SEC14L6: variants seen among roughly 807,000 people sequenced by gnomAD.
SEC14L6 encodes the protein SEC14-like protein 6.
In SEC14L6, 40 loss-of-function variants were observed where a neutral mutation model predicts 54.1. The ratio of observed to expected loss-of-function variants is 0.74; its 90% confidence interval spans 0.57 to 0.96. The LOEUF (loss-of-function observed/expected upper bound fraction) is 0.96, where lower values mean the gene tolerates loss of function less well. Ranked by LOEUF, SEC14L6 falls within the 40% of genes least tolerant of loss-of-function variation. The pLI, the probability that SEC14L6 is intolerant of heterozygous loss-of-function variation, is 0.00. For synonymous variants in SEC14L6, 171 were observed against 198.4 expected, an observed-to-expected ratio of 0.86 and a Z score of 1.16; for missense variants, 471 against 498.3, an observed-to-expected ratio of 0.95 and a Z score of 0.52.
Position 30,523,038 on chromosome 22 carries a change from T to C in SEC14L6, c.*1959A>G, listed in dbSNP as rs931670232. 1.3e-5 allele frequency: 2 copies of C among 152,204 alleles called. No individual in the cohort carries two copies. The highest frequency in any genetic ancestry group is 2.4e-5 in the African/African-American group (1 of 41,452). The allele number at this position is 152,204 out of a possible 1,614,324, so 9.4% of individuals were successfully genotyped here. On this transcript the variant is annotated 3_prime_UTR_variant, in exon 12 of 12. Coordinates refer to ENST00000402034, the MANE Select transcript of SEC14L6 (RefSeq NM_001193336.4). ...GCACGATTCCATTTATATGACACTC[T>C]GGAAAAAATCAAAAGTGTAGGGATG...
At chr22:30,529,256 C>G (rs1157091419) in intron 7 of SEC14L6, 33 bp downstream of exon 7, 8 of 1,548,068 alleles carry the variant, frequency 5.2e-6, no homozygotes, top group Non-Finnish European at 7.0e-6. Flanking sequence ...CCTGTCCCCC[C>G]AACTCATGCA....
Position 30,546,516 on chromosome 22 carries a change from G to A in SEC14L6, c.54+113C>T, listed in dbSNP as rs1485931365. The A allele has an allele frequency of 4.1e-6, 4 of 967,246 alleles. No homozygotes were observed. In the East Asian group the frequency reaches 1.1e-4, roughly 25 times the overall value. 59.9% of individuals were successfully genotyped at this position (967,246 alleles called of 1,614,324 possible). ...TGGCTACCAAGCCCCTCAGGGTTGG[G>A]AAGAGACCCAGAGCTGGAGAGTTCA... On this transcript the variant is annotated intron_variant, in intron 1 of 11. Transcript: ENST00000402034.
intron 1 of SEC14L6, among the ~76,000 whole-genome samples, chr22:30,542,026 G>A (rs1403770989): frequency 1.3e-5 from 2 of 152,168 alleles, no homozygotes; most frequent in Non-Finnish European, 2.9e-5. Context: ...CCTGTTCTTG[G>A]CACCGAAGGG....
Position 30,523,386 on chromosome 22 carries a change from G to T in SEC14L6, c.*1611C>A, listed in dbSNP as rs1478330548. On this transcript the variant is annotated 3_prime_UTR_variant, in exon 12 of 12. Transcript: ENST00000402034. ...TTTTTTTTTTTTAAGACAGGGTCTT[G>T]CTCTGTTTCCCAGGCTGGAGTGCAG... The T allele has an allele frequency of 6.6e-6, 1 of 152,188 alleles. No homozygotes were observed. Among genetic ancestry groups the T allele is most frequent in the East Asian group, 1.9e-4 (1 of 5,196 alleles). The allele number at this position is 152,188 out of a possible 1,614,324, so 9.4% of individuals were successfully genotyped here. A position where few individuals can be genotyped will look rare whatever the true frequency, so the allele number is the denominator to read the frequency against.
chr22:30,530,131 C>T lies in SEC14L6; in HGVS notation c.520-782G>A, dbSNP rs546801616. Among the ~76,000 whole-genome samples the T allele has an allele frequency of 4.6e-5, 7 of 152,094 alleles. No individual in the cohort carries two copies. In the East Asian group the frequency reaches 7.8e-4, roughly 17 times the overall value. On this transcript the variant is annotated intron_variant, in intron 6 of 11. Transcript: ENST00000402034. Reference sequence around the variant, plus strand: ...TTTTTAAAAAAACTGAGATATTGTCCGGGCGTGGTGGCTCACGCCTGTAAT... The same window carrying T: ...TTTTTAAAAAAACTGAGATATTGTCTGGGCGTGGTGGCTCACGCCTGTAAT...
intron 1 of SEC14L6, chr22:30,542,797 C>T (rs545427964): frequency 1.1e-5 from 17 of 1,594,472 alleles, no homozygotes; most frequent in African/African-American, 8.0e-5. Context: ...TGGACCAGGC[C>T]GGAAATTAAT....
At chr22:30,539,616 G>A (rs1040716785) in intron 1 of SEC14L6, among the ~76,000 whole-genome samples, 5 of 152,200 alleles carry the variant, frequency 3.3e-5, no homozygotes, top group African/African-American at 1.2e-4. Context: ...GAGTGGCAGA[G>A]CCAGTTGCCT....
At chr22:30,530,295 A>T (rs974809158) in intron 6 of SEC14L6, among the ~76,000 whole-genome samples, 1 of 152,144 alleles carries the variant, frequency 6.6e-6, no homozygotes, top group Non-Finnish European at 1.5e-5. Context: ...CTGTAATCCC[A>T]GCTACTTGGG....
At chr22:30,544,625 C>T (rs1465209028) in intron 1 of SEC14L6, among the ~76,000 whole-genome samples, 1 of 152,144 alleles carries the variant, frequency 6.6e-6, no homozygotes, top group Middle Eastern at 3.2e-3. Context: ...TCCTGGCCTC[C>T]CCCATCCCTA....
rs1261950955 is a variant in SEC14L6, at chr22:30,543,197, A to G, written c.54+3432T>C. 12 of 1,603,566 alleles carry G rather than the reference A, an allele frequency of 7.5e-6. No homozygotes were observed. In the East Asian group the frequency reaches 2.7e-4, roughly 36 times the overall value. On this transcript the variant is annotated intron_variant, in intron 1 of 11. Coordinates refer to ENST00000402034, the MANE Select transcript of SEC14L6 (RefSeq NM_001193336.4). ...AGAGAGAGCGTGTCCTACAGCATCC[A>G]CAGCACAGCCAATGTGGTGCTGACC...
Position 30,529,276 on chromosome 22 carries a change from C to T in SEC14L6, c.580+13G>A. The T allele has an allele frequency of 6.5e-7, 1 of 1,550,176 alleles. No individual in the cohort carries two copies. The highest frequency in any genetic ancestry group is 8.7e-7 in the Non-Finnish European group (1 of 1,146,606). Reference sequence around the variant, plus strand: ...CCCCCCAACTCATGCATATCCTGGGCTGCTTTACTCACCTCTCACAACAAT... The same window carrying T: ...CCCCCCAACTCATGCATATCCTGGGTTGCTTTACTCACCTCTCACAACAAT... On this transcript the variant is annotated intron_variant, in intron 7 of 11. Coordinates refer to ENST00000402034, the MANE Select transcript of SEC14L6 (RefSeq NM_001193336.4).
At chr22:30,529,410 C>T (rs1936894705) in intron 6 of SEC14L6, 61 bp from the exon 7 acceptor site, 14 of 1,357,362 alleles carry the variant, frequency 1.0e-5, no homozygotes, top group South Asian at 3.7e-5. Context: ...CATCCCCTCT[C>T]GCCCCACCCT....
intron 2 of SEC14L6, among the ~76,000 whole-genome samples, chr22:30,538,462 T>C (rs377371709): frequency 6.6e-6 from 1 of 152,178 alleles, no homozygotes; most frequent in African/African-American, 2.4e-5. Context: ...GGAAGCCAAC[T>C]GCCATGTTGT....
chr22:30,531,990 C>A lies in SEC14L6; in HGVS notation c.432G>T (p.Lys144Asn), dbSNP rs758042299. 1.9e-6 allele frequency: 3 copies of A among 1,550,558 alleles called. No individual in the cohort carries two copies. In the South Asian group the frequency reaches 3.6e-5, roughly 18 times the overall value. The stretch of plus-strand genomic sequence containing the variant: ...AAATAGCTATGATTTTCTCCACCCT[C>A]TTCCCCAGCTGCAAGGGAATGACAG... ...ECELQSQKLG[K>N]RVEKIIAIFG... The change falls in exon 6 of 12, where the codon AAG (lysine) becomes AAT (asparagine). Residue 144 changes from lysine (K) to asparagine (N), a missense_variant. Lys to Asn is a moderately conservative substitution (Grantham distance 94, BLOSUM62 0). Transcript: ENST00000402034.
chr22:30,536,738 TA>T, intron 2 of SEC14L6, among the ~76,000 whole-genome samples: 1 of 151,872 alleles, frequency 6.6e-6, no homozygotes, highest in Non-Finnish European at 1.5e-5. Context: ...AAATAATAGA[TA>T]AATGGCCGGG....
Position 30,524,821 on chromosome 22 carries a change from C to G in SEC14L6, c.*176G>C. 1.7e-6 allele frequency: 1 copy of G among 585,476 alleles called. No homozygotes were observed. The highest frequency in any genetic ancestry group is 2.8e-5 in the Admixed American group (1 of 36,352). 36.3% of individuals were successfully genotyped at this position (585,476 alleles called of 1,614,324 possible). On this transcript the variant is annotated 3_prime_UTR_variant, in exon 12 of 12. Transcript: ENST00000402034. ...CTTTGCTGTGACCATCGGGCCACCA[C>G]TAGGACACTGTCCCAGCCGTTCCTG...
chr22:30,531,326 G>C (rs979865435), intron 6 of SEC14L6, among the ~76,000 whole-genome samples: 1 of 151,862 alleles, frequency 6.6e-6, no homozygotes, highest in Non-Finnish European at 1.5e-5. Flanking sequence ...AGAGTTGCTT[G>C]AACCTGGCAG....
chr22:30,541,107 G>C (rs376300307), intron 1 of SEC14L6, among the ~76,000 whole-genome samples: 32 of 151,726 alleles, frequency 2.1e-4, no homozygotes, highest in African/African-American at 3.9e-4. Context: ...ATTCACACTT[G>C]AACAACTTGT....
Position 30,524,436 on chromosome 22 carries a change from C to T in SEC14L6, c.*561G>A, listed in dbSNP as rs1259167400. 1 of 152,344 alleles carries T rather than the reference C, an allele frequency of 6.6e-6. No individual in the cohort carries two copies. The highest frequency in any genetic ancestry group is 1.5e-5 in the Non-Finnish European group (1 of 68,178). The allele number at this position is 152,344 out of a possible 1,614,324, so 9.4% of individuals were successfully genotyped here. ...TGTCACCCAGACTGGAGTGCAGTGG[C>T]ATGATTTCGGCTCACTGCAACCTCT... On this transcript the variant is annotated 3_prime_UTR_variant, in exon 12 of 12. Transcript: ENST00000402034.
Sources: allele counts gnomAD v4.1 joint callset (sites outside exome capture counted in the v4.1 genomes callset), GRCh38; gene constraint gnomAD v4.1.1; transcripts MANE v1.5; gene names NCBI Gene and HGNC (gene_info 2026-07-23, HGNC 2026-07-21).